The following SORBS2 variants were observed in gnomAD, a reference collection of about 807,000 sequenced individuals.
SORBS2 encodes the protein sorbin and SH3 domain-containing protein 2.
A neutral mutation model predicts 97.7 loss-of-function variants in SORBS2; 46 were observed. That is an observed-to-expected ratio of 0.47 (90% CI 0.37 to 0.60). The LOEUF (loss-of-function observed/expected upper bound fraction) is 0.60, where lower values mean the gene tolerates loss of function less well. Among genes scored for constraint, SORBS2 ranks in the 20% least tolerant of loss-of-function variants. The pLI is 0.00. For synonymous variants in SORBS2, 476 were observed against 473.4 expected (o/e 1.01, Z -0.07); for missense variants, 1,316 against 1,282.3 (o/e 1.03, Z -0.40).
intron 2 of SORBS2, among the ~76,000 whole-genome samples, chr4:185,715,825 C>T (rs773860986): frequency 2.6e-5 from 4 of 152,170 alleles, no homozygotes; most frequent in Non-Finnish European, 5.9e-5. Flanking sequence ...CTACTAAATG[C>T]TCAATAGATA....
intron 1 of SORBS2, among the ~76,000 whole-genome samples, chr4:185,818,875 A>T (rs2099194976): frequency 6.6e-6 from 1 of 152,170 alleles, no homozygotes; most frequent in African/African-American, 2.4e-5. Flanking sequence ...AAGTAGCATG[A>T]CAAATCATTC....
chr4:185,586,545 C>CTT (rs2095802820), exon 15 of SORBS2: 8 of 152,582 alleles, frequency 5.2e-5, no homozygotes, highest in Non-Finnish European at 1.2e-4. Flanking sequence ...AACTTTAATA[C>CTT]TTGTGATGCT....
At chr4:185,847,298 A>G (rs1048567414) in intron 1 of SORBS2, among the ~76,000 whole-genome samples, 2 of 152,288 alleles carry the variant, frequency 1.3e-5, no homozygotes, top group Admixed American at 6.5e-5. Context: ...GTGAGTGGAC[A>G]CTTTCTTTGG....
chr4:185,625,403 T>A (rs193091437), intron 6 of SORBS2, among the ~76,000 whole-genome samples: 1 of 152,312 alleles, frequency 6.6e-6, no homozygotes, highest in East Asian at 1.9e-4. Context: ...ATAGGACATT[T>A]TCTTCCTAGA....
chr4:185,646,681 T>G (rs779001692), exon 4 of SORBS2: 1 of 1,609,178 alleles, frequency 6.2e-7, no homozygotes, highest in Non-Finnish European at 8.5e-7. Flanking sequence ...TCTTTCATGC[T>G]GAAGAATTGA....
intron 2 of SORBS2, among the ~76,000 whole-genome samples, chr4:185,730,857 G>A (rs1449144477): frequency 6.6e-6 from 1 of 152,196 alleles, no homozygotes; most frequent in Non-Finnish European, 1.5e-5. Flanking sequence ...CAGCCATTGT[G>A]AAGCCTCAAA....
chr4:185,614,158 T>TG (rs781218963), intron 11 of SORBS2, among the ~76,000 whole-genome samples: 1 of 128,558 alleles, frequency 7.8e-6, no homozygotes, highest in East Asian at 2.4e-4. Context: ...TGTTTTTTTG[T>TG]GTTTTTTTTT....
intron 8 of SORBS2, among the ~76,000 whole-genome samples, chr4:185,619,255 G>A (rs766915192): frequency 2.0e-5 from 3 of 152,126 alleles, no homozygotes; most frequent in Non-Finnish European, 4.4e-5. Context: ...AACTCTGGGG[G>A]CCACAGATCT....
At chr4:185,822,242 C>G (rs2099197195) in intron 1 of SORBS2, among the ~76,000 whole-genome samples, 1 of 152,186 alleles carries the variant, frequency 6.6e-6, no homozygotes, top group Admixed American at 6.5e-5. Context: ...TCTAGTGTTT[C>G]CCCAGTTGGG....
At chr4:185,767,693 G>A (rs1034342459) in intron 2 of SORBS2, among the ~76,000 whole-genome samples, 4 of 151,950 alleles carry the variant, frequency 2.6e-5, no homozygotes, top group South Asian at 2.1e-4. Context: ...CCGAGGCCTC[G>A]GTCTCTGCAC....
At chr4:185,714,686 G>T (rs1361209961) in intron 2 of SORBS2, among the ~76,000 whole-genome samples, 1 of 152,208 alleles carries the variant, frequency 6.6e-6, no homozygotes, top group Non-Finnish European at 1.5e-5. Context: ...GCAAAGTCAT[G>T]TCTTCCATGG....
At chr4:185,887,294 T>C (rs1350472720) in intron 1 of SORBS2, among the ~76,000 whole-genome samples, 1 of 152,232 alleles carries the variant, frequency 6.6e-6, no homozygotes, top group African/African-American at 2.4e-5. Context: ...GCTCTGTGTA[T>C]GGAGGAAGTC....
chr4:185,654,249 C>G (rs1471525717), intron 1 of SORBS2, among the ~76,000 whole-genome samples: 2 of 152,148 alleles, frequency 1.3e-5, no homozygotes, highest in Non-Finnish European at 2.9e-5. Flanking sequence ...AAGCAAAGGT[C>G]TATTATTTGC....
chr4:185,620,147 A>G (rs61753946), exon 8 of SORBS2: 154,477 of 1,599,120 alleles, frequency 0.097, 8,486 homozygotes, highest in Non-Finnish European at 0.11. Context: ...TAGGGGACTC[A>G]CGGTCTATTG....
intron 1 of SORBS2, among the ~76,000 whole-genome samples, chr4:185,878,555 C>A (rs756667137): frequency 3.9e-5 from 6 of 152,132 alleles, no homozygotes; most frequent in Non-Finnish European, 7.4e-5. Flanking sequence ...TGGACTTTGC[C>A]GCTAAGGACC....
At chr4:185,674,501 C>T (rs746586714) in intron 4 of SORBS2, among the ~76,000 whole-genome samples, 7 of 152,116 alleles carry the variant, frequency 4.6e-5, no homozygotes, top group South Asian at 4.1e-4. Flanking sequence ...CACTATGGTA[C>T]GTTTTTCACT....
At chr4:185,870,671 C>A (rs75857025) in intron 1 of SORBS2, among the ~76,000 whole-genome samples, 1 of 152,152 alleles carries the variant, frequency 6.6e-6, no homozygotes, top group Non-Finnish European at 1.5e-5. Context: ...GCAGTGAGTG[C>A]GCAGGTCGTG....
chr4:185,817,658 G>A (rs1026876850), intron 1 of SORBS2, among the ~76,000 whole-genome samples: 5 of 152,166 alleles, frequency 3.3e-5, no homozygotes, highest in Non-Finnish European at 5.9e-5. Flanking sequence ...AATTAGTAAC[G>A]AAACGCACCA....
intron 2 of SORBS2, among the ~76,000 whole-genome samples, chr4:185,758,731 G>T (rs1179350373): frequency 6.6e-6 from 1 of 152,096 alleles, no homozygotes; most frequent in African/African-American, 2.4e-5. Flanking sequence ...TCTTTCTCTT[G>T]GTTGCAGCTA....
Sources: allele counts gnomAD v4.1 joint callset (sites outside exome capture counted in the v4.1 genomes callset), GRCh38; gene constraint gnomAD v4.1.1; transcripts MANE v1.5; gene names NCBI Gene and HGNC (gene_info 2026-07-23, HGNC 2026-07-21).